Variants in SLIT3 observed in about 807,000 individuals in gnomAD.
SLIT3 encodes the protein slit guidance ligand 3.
A neutral mutation model predicts 184.0 loss-of-function variants in SLIT3; 68 were observed. The ratio of observed to expected loss-of-function variants is 0.37; its 90% CI spans 0.30 to 0.45. The LOEUF (loss-of-function observed/expected upper bound fraction) is 0.45, where lower values mean the gene tolerates loss of function less well. Ranked by LOEUF, SLIT3 falls within the 20% of genes least tolerant of loss-of-function variation. The pLI is 1.00. For missense variants in SLIT3, 1,707 were observed against 2,026.0 expected (o/e 0.84, Z 3.02); for synonymous variants, 831 against 828.6 (o/e 1.00, Z -0.05).
chr5:168,707,995 G>C lies in SLIT3; in HGVS notation c.2825C>G (p.Ala942Gly). The C allele has an allele frequency of 6.2e-7, 1 of 1,614,164 alleles. No homozygotes were observed. The highest frequency in any genetic ancestry group is 1.3e-5 in the African/African-American group (1 of 75,054). ...TQDPVELYRC[A>G]CPYSYKGKDC... ...GCATACCTTGTAGCTGTAGGGGCAG[G>C]CACAGCGGTACAGCTCCACAGGGTC... The change falls in exon 26 of 36, where the codon GCC (alanine) becomes GGC (glycine). Residue 942 changes from alanine (A) to glycine (G), a missense_variant. Ala to Gly is a moderately conservative substitution (Grantham distance 60, BLOSUM62 0). Coordinates refer to ENST00000519560, the MANE Select transcript of SLIT3 (RefSeq NM_003062.4).
intron 20 of SLIT3, among the ~76,000 whole-genome samples, chr5:168,726,440 CAGGG>C (rs1763120932): frequency 2.6e-4 from 5 of 19,396 alleles, no homozygotes; most frequent in Non-Finnish European, 1.8e-4. Flanking sequence ...AAGAGGGAGG[CAGGG>C]AGGGAGGGAG....
At chr5:168,885,062 G>A (rs1052394922) in intron 4 of SLIT3, among the ~76,000 whole-genome samples, 3 of 152,146 alleles carry the variant, frequency 2.0e-5, no homozygotes, top group Non-Finnish European at 4.4e-5. Context: ...AGGGGCAGGA[G>A]GGAAAAGAGG....
At chr5:169,164,563 G>C (rs116143734) in intron 4 of SLIT3, among the ~76,000 whole-genome samples, 2,084 of 152,194 alleles carry the variant, frequency 0.014, 49 homozygotes, top group African/African-American at 0.048. Flanking sequence ...CATTCTCTCC[G>C]GGCTGTTCTG....
intron 5 of SLIT3, 187 bp from the exon 6 acceptor site, chr5:168,844,842 T>A: frequency 1.8e-6 from 1 of 554,758 alleles, no homozygotes; most frequent in Non-Finnish European, 3.2e-6. Flanking sequence ...CTGAGAGAAC[T>A]ACACAGACGA....
intron 3 of SLIT3, among the ~76,000 whole-genome samples, chr5:169,242,883 G>A (rs1765451516): frequency 6.6e-6 from 1 of 151,818 alleles, no homozygotes; most frequent in South Asian, 2.1e-4. Context: ...ATATTTCATC[G>A]ATATTCCCTG....
chr5:169,193,381 C>T (rs1042796883), intron 4 of SLIT3, 98 bp downstream of exon 4: 8 of 999,584 alleles, frequency 8.0e-6, no homozygotes, highest in Middle Eastern at 2.2e-4. Context: ...GGCCTAACTG[C>T]CAAGCTCCAC....
intron 12 of SLIT3, among the ~76,000 whole-genome samples, chr5:168,785,504 C>G (rs1725337682): frequency 6.6e-6 from 1 of 152,218 alleles, no homozygotes; most frequent in Non-Finnish European, 1.5e-5. Flanking sequence ...GTCACATGTC[C>G]ATCAGCAGCT....
chr5:169,167,568 G>A (rs1554103789), intron 4 of SLIT3, among the ~76,000 whole-genome samples: 1 of 151,984 alleles, frequency 6.6e-6, no homozygotes, highest in South Asian at 2.1e-4. Flanking sequence ...GAGCCACCGC[G>A]CCCGGCCTCT....
intron 4 of SLIT3, among the ~76,000 whole-genome samples, chr5:169,105,379 C>T (rs1462180163): frequency 3.9e-5 from 6 of 152,184 alleles, no homozygotes; most frequent in African/African-American, 7.2e-5. Context: ...TTTAAACCAA[C>T]GAAATACCCA....
intron 18 of SLIT3, chr5:168,752,457 T>G (rs1188380803): frequency 1.3e-5 from 2 of 148,506 alleles, no homozygotes; most frequent in Non-Finnish European, 2.9e-5. Flanking sequence ...TGCAGTGGCA[T>G]GATCTCAGCT....
chr5:168,774,858 T>G (rs1326100362), intron 12 of SLIT3, among the ~76,000 whole-genome samples: 2 of 152,188 alleles, frequency 1.3e-5, no homozygotes, highest in Non-Finnish European at 2.9e-5. Context: ...GTCATCCTCC[T>G]GGAAAAACTG....
At chr5:169,197,886 A>C (rs1018317530) in intron 3 of SLIT3, among the ~76,000 whole-genome samples, 1 of 152,170 alleles carries the variant, frequency 6.6e-6, no homozygotes, top group African/African-American at 2.4e-5. Flanking sequence ...GCACTAAGAA[A>C]TAGGCCCTTG....
intron 23 of SLIT3, chr5:168,712,562 G>A (rs928645214): frequency 5.3e-5 from 30 of 567,264 alleles, no homozygotes; most frequent in Non-Finnish European, 7.3e-5. Flanking sequence ...GAGGGTTTGC[G>A]GAAGAAGGGG....
chr5:168,907,975 TATATAG>T (rs1220422614), intron 4 of SLIT3, among the ~76,000 whole-genome samples: 1 of 64,654 alleles, frequency 1.5e-5, no homozygotes, highest in East Asian at 3.6e-4. Flanking sequence ...TATATATATA[TATATAG>T]AGAGAGAGAG....
intron 14 of SLIT3, among the ~76,000 whole-genome samples, chr5:168,770,941 T>C (rs1755530260): frequency 1.4e-5 from 2 of 145,988 alleles, no homozygotes; most frequent in Admixed American, 1.4e-4. Context: ...TTGCCAAGAC[T>C]GTGTTCCTGG....
At chr5:169,291,168 A>C (rs1017277638) in intron 1 of SLIT3, among the ~76,000 whole-genome samples, 8 of 152,130 alleles carry the variant, frequency 5.3e-5, no homozygotes, top group African/African-American at 1.9e-4. Flanking sequence ...TCTTATGTAC[A>C]TCCTGTTGGA....
At chr5:168,877,356 T>C (rs1027071622) in intron 5 of SLIT3, among the ~76,000 whole-genome samples, 2 of 151,898 alleles carry the variant, frequency 1.3e-5, no homozygotes, top group Non-Finnish European at 2.9e-5. Flanking sequence ...AGTGCAAAGG[T>C]CCTGGGGCAG....
At chr5:169,259,080 CT>C (rs911539726) in intron 1 of SLIT3, among the ~76,000 whole-genome samples, 5 of 151,724 alleles carry the variant, frequency 3.3e-5, no homozygotes, top group East Asian at 1.9e-4. Context: ...TGAGAAAGTA[CT>C]TTTTTTTTGG....
intron 2 of SLIT3, among the ~76,000 whole-genome samples, chr5:169,248,816 C>T (rs1765682482): frequency 6.6e-6 from 1 of 152,132 alleles, no homozygotes. Flanking sequence ...AGACTTTTTC[C>T]TACTCCCATC....
Sources: allele counts gnomAD v4.1 joint callset (sites outside exome capture counted in the v4.1 genomes callset), GRCh38; gene constraint gnomAD v4.1.1; transcripts MANE v1.5; gene names NCBI Gene and HGNC (gene_info 2026-07-23, HGNC 2026-07-21).